The following SYN1 variants were observed in gnomAD, a reference collection of about 807,000 sequenced individuals.
SYN1 encodes the protein synapsin-1.
SYN1 carries 8 observed loss-of-function variants against 44.6 expected under a neutral mutation model. The ratio of observed to expected loss-of-function variants is 0.18; its 90% CI spans 0.11 to 0.32. SYN1 has a LOEUF of 0.32. SYN1 is among the 10% of genes least tolerant of loss of function. The pLI, the probability that SYN1 is intolerant of heterozygous loss-of-function variation, is 1.00. For missense variants in SYN1, 451 were observed against 639.4 expected (o/e 0.71, Z 3.18); for synonymous variants, 275 against 280.1 (o/e 0.98, Z 0.18).
intron 5 of SYN1, among the ~76,000 whole-genome samples, chrX:47,584,269 G>A (rs1471819997): frequency 1.8e-5 from 2 of 111,250 alleles, no homozygotes; most frequent in Non-Finnish European, 3.8e-5. Flanking sequence ...TATTGAGGAT[G>A]ATCAGAGATT....
intron 3 of SYN1, 118 bp from the exon 4 acceptor site, chrX:47,605,497 C>A: frequency 4.5e-6 from 4 of 885,292 alleles, no homozygotes; most frequent in Non-Finnish European, 6.4e-6. Flanking sequence ...TGGTTTCTCA[C>A]CTCTGCACAC....
At chrX:47,608,305 G>GAAGGGGAA (rs1556860959) in intron 1 of SYN1, among the ~76,000 whole-genome samples, 3 of 101,758 alleles carry the variant, frequency 2.9e-5, no homozygotes, top group African/African-American at 7.1e-5. Context: ...AGGAAGGAAG[G>GAAGGGGAA]GGAAGGAAGG....
chrX:47,611,612 G>A (rs893727623), intron 1 of SYN1, among the ~76,000 whole-genome samples: 4 of 111,587 alleles, frequency 3.6e-5, no homozygotes, highest in African/African-American at 1.3e-4. Context: ...CTCTCACCTG[G>A]TGTCATAATA....
At chrX:47,608,361 T>A (rs1199581984) in intron 1 of SYN1, among the ~76,000 whole-genome samples, 1 of 111,084 alleles carries the variant, frequency 9.0e-6, no homozygotes, top group Non-Finnish European at 1.9e-5. Context: ...CGTGCCTGTT[T>A]TTGTGTATTT....
At chrX:47,593,758 T>G (rs994197559) in intron 5 of SYN1, among the ~76,000 whole-genome samples, 3 of 111,928 alleles carry the variant, frequency 2.7e-5, no homozygotes, top group Non-Finnish European at 5.6e-5. Context: ...CCTTAAAAAC[T>G]TTCTCTATTT....
chrX:47,602,366 A>G (rs189635739), intron 5 of SYN1, among the ~76,000 whole-genome samples: 1 of 112,318 alleles, frequency 8.9e-6, no homozygotes, highest in East Asian at 2.8e-4. Context: ...TTTCCTTAAA[A>G]CTAATGATTC....
chrX:47,586,840 T>C, intron 5 of SYN1: 1 of 741,625 alleles, frequency 1.3e-6, no homozygotes, highest in South Asian at 2.9e-5. Context: ...GCTGATGACC[T>C]GGTGTGAGCA....
intron 1 of SYN1, among the ~76,000 whole-genome samples, chrX:47,607,765 C>G (rs2057902996): frequency 9.4e-6 from 1 of 106,036 alleles, no homozygotes; most frequent in Admixed American, 1.0e-4. Flanking sequence ...AGGGCTGTGG[C>G]TCACGTCTAT....
At chrX:47,604,389 A>G (rs942609670) in intron 5 of SYN1, among the ~76,000 whole-genome samples, 22 of 110,201 alleles carry the variant, frequency 2.0e-4, no homozygotes, top group African/African-American at 7.0e-4. Context: ...AGTAGCTGGG[A>G]CTACAGGCAC....
intron 5 of SYN1, among the ~76,000 whole-genome samples, chrX:47,582,062 G>A (rs41364945): frequency 0.01 from 1,154 of 112,762 alleles, 38 homozygotes; most frequent in Admixed American, 0.074. Flanking sequence ...AATGTTGAAG[G>A]GCTGAACTAA....
chrX:47,614,201 G>C (rs1417145174), intron 1 of SYN1, among the ~76,000 whole-genome samples: 1 of 112,121 alleles, frequency 8.9e-6, no homozygotes, highest in Non-Finnish European at 1.9e-5. Flanking sequence ...AGGTAGAGCT[G>C]CTGGTACACA....
intron 1 of SYN1, among the ~76,000 whole-genome samples, chrX:47,614,852 G>A (rs924827622): frequency 2.7e-5 from 3 of 111,892 alleles, no homozygotes; most frequent in African/African-American, 9.8e-5. Context: ...GCTTCAACTG[G>A]GACAACTCTG....
chrX:47,601,542 A>G (rs773117481), intron 5 of SYN1, among the ~76,000 whole-genome samples: 2 of 111,589 alleles, frequency 1.8e-5, no homozygotes, highest in Non-Finnish European at 3.8e-5. Context: ...GGATCGCTTG[A>G]GCCCAGGGGT....
chrX:47,585,477 T>C (rs780594296), intron 5 of SYN1: 142 of 1,188,935 alleles, frequency 1.2e-4, no homozygotes, highest in Non-Finnish European at 1.6e-4. Flanking sequence ...GGCCGGGCCT[T>C]TGGCAGCTTG....
At position 47,607,034 on chromosome X, in the gene SYN1, G is replaced by C. The variant is rs1445481586; in HGVS notation, c.438C>G (p.Ala146=). The change falls in exon 3 of 13, where the codon GCC becomes GCG. Residue 146 remains alanine (A), a splice_region_variant and synonymous_variant. Coordinates refer to ENST00000295987, the MANE Select transcript of SYN1 (RefSeq NM_006950.3). The stretch of plus-strand genomic sequence containing the variant: ...CCACAAGGTTGAGATCAGAGAATTC[G>C]GCCTGGGAAGGAGAAAAAAACTGGT... ...HGEIDIKVEQ[A]EFSDLNLVAH... 1 of 1,208,305 alleles carries C rather than the reference G, an allele frequency of 8.3e-7. No individual in the cohort carries two copies. The highest frequency in any genetic ancestry group is 1.8e-5 in the African/African-American group (1 of 56,862).
In SYN1 at chrX:47,619,277, C is replaced by T; in HGVS notation, c.377+75G>A. 1.3e-5 allele frequency: 15 copies of T among 1,181,760 alleles called. No individual in the cohort carries two copies. In the South Asian group the frequency reaches 2.7e-4, roughly 22 times the overall value. ...CCAGGTGTCAGGCACACAAGCGGCG[C>T]TCGATAATTGCTCATTCGCAGAAGA... On this transcript the variant is annotated intron_variant, in intron 1 of 12. Transcript: ENST00000295987.
chrX:47,617,796 TTGGAAG>T (rs1440763320), intron 1 of SYN1, among the ~76,000 whole-genome samples: 17 of 111,915 alleles, frequency 1.5e-4, no homozygotes, highest in African/African-American at 4.9e-4. Flanking sequence ...AGGGGAGCCA[TTGGAAG>T]AAAAGGTCTT....
chrX:47,613,525 A>C (rs962187456), intron 1 of SYN1, among the ~76,000 whole-genome samples: 2 of 111,642 alleles, frequency 1.8e-5, no homozygotes, highest in African/African-American at 6.5e-5. Context: ...TTTTGACTGG[A>C]ATATTCCATA....
intron 1 of SYN1, among the ~76,000 whole-genome samples, chrX:47,610,594 C>T (rs2057913890): frequency 9.1e-6 from 1 of 109,546 alleles, no homozygotes; most frequent in African/African-American, 3.3e-5. Flanking sequence ...CTGGCTAGTA[C>T]GTATTGGCAG....
Sources: gnomAD v4.1 joint callset for allele counts (sites outside exome capture counted in the v4.1 genomes callset) on GRCh38, gnomAD v4.1.1 for gene constraint, MANE v1.5 for transcripts, NCBI Gene and HGNC (gene_info 2026-07-23, HGNC 2026-07-21) for gene names.